Variants in TMEM74 observed in about 807,000 individuals in gnomAD.
The protein encoded by TMEM74 is transmembrane protein 74.
A neutral mutation model predicts 18.1 loss-of-function variants in TMEM74; 13 were observed. The ratio of observed to expected loss-of-function variants is 0.72; its 90% CI spans 0.47 to 1.14. TMEM74 has a LOEUF of 1.14. TMEM74 is among the 50% of genes most tolerant of loss of function. The probability of loss-of-function intolerance (pLI) is 0.00; values close to 1 mark genes in which losing one functional copy is unlikely to be tolerated. For missense variants in TMEM74, 372 were observed against 375.9 expected (o/e 0.99, Z 0.09); for synonymous variants, 159 against 146.6 (o/e 1.08, Z -0.61).
At chr8:108,758,007 C>T (rs1438341647) in intron 1 of TMEM74, among the ~76,000 whole-genome samples, 1 of 151,938 alleles carries the variant, frequency 6.6e-6, no homozygotes, top group Non-Finnish European at 1.5e-5. Flanking sequence ...TTTTCAAAGG[C>T]AGAACACCTT....
chr8:108,725,033 G>A (rs904906886), intron 1 of TMEM74, among the ~76,000 whole-genome samples: 5 of 152,098 alleles, frequency 3.3e-5, no homozygotes, highest in African/African-American at 9.7e-5. Context: ...TCATTCACAA[G>A]CTACAGCCAA....
chr8:108,741,268 C>A (rs1017811883), intron 1 of TMEM74, among the ~76,000 whole-genome samples: 1 of 152,120 alleles, frequency 6.6e-6, no homozygotes, highest in Admixed American at 6.5e-5. Context: ...TGGGCATGAA[C>A]ACGTAGGTGA....
chr8:108,696,621 T>C lies in TMEM74; in HGVS notation n.120-41184A>G, dbSNP rs966557182. ...TCAGTTTCTGAAAGACATACTGTAGTAACATTTGGCAGATGAAAGCACAGT... is the reference window on the plus strand; with the variant it reads ...TCAGTTTCTGAAAGACATACTGTAGCAACATTTGGCAGATGAAAGCACAGT... On this transcript the variant is annotated intron_variant and non_coding_transcript_variant, in intron 1 of 3. Transcript: ENST00000518838. 2.0e-5 allele frequency among the ~76,000 whole-genome samples: 3 copies of C among 152,350 alleles called. No individual in the cohort carries two copies. The East Asian group carries it at 5.8e-4, about 29-fold the overall frequency.
At chr8:108,646,361 A>T (rs1812717876) in intron 2 of TMEM74, among the ~76,000 whole-genome samples, 1 of 152,064 alleles carries the variant, frequency 6.6e-6, no homozygotes, top group Non-Finnish European at 1.5e-5. Flanking sequence ...TTTTGTGCCA[A>T]GTTTGCATTT....
intron 1 of TMEM74, among the ~76,000 whole-genome samples, chr8:108,739,388 G>T (rs889625020): frequency 6.6e-6 from 1 of 152,212 alleles, no homozygotes; most frequent in African/African-American, 2.4e-5. Context: ...GTCGTGTGCT[G>T]TATTTTAGGA....
intron 2 of TMEM74, among the ~76,000 whole-genome samples, chr8:108,609,956 A>G (rs546885034): frequency 6.6e-6 from 1 of 152,354 alleles, no homozygotes; most frequent in East Asian, 1.9e-4. Flanking sequence ...CAGAGCTCAG[A>G]ACAGAAGAAG....
intron 2 of TMEM74, among the ~76,000 whole-genome samples, chr8:108,643,475 G>A (rs1353362576): frequency 6.6e-6 from 1 of 152,066 alleles, no homozygotes; most frequent in Non-Finnish European, 1.5e-5. Flanking sequence ...GATTTTCAAG[G>A]ACAGAGCTGA....
intron 1 of TMEM74, among the ~76,000 whole-genome samples, chr8:108,746,059 G>A (rs1338760102): frequency 2.0e-5 from 3 of 152,032 alleles, no homozygotes; most frequent in African/African-American, 7.2e-5. Flanking sequence ...TCTTGCTGAT[G>A]CCCCCAGCTG....
chr8:108,710,516 A>G (rs1456652957), intron 1 of TMEM74, among the ~76,000 whole-genome samples: 1 of 152,214 alleles, frequency 6.6e-6, no homozygotes, highest in African/African-American at 2.4e-5. Context: ...TGAGGTCTGA[A>G]GGGAGTGGGT....
intron 2 of TMEM74, among the ~76,000 whole-genome samples, chr8:108,622,695 T>TAA (rs1472390354): frequency 6.6e-6 from 1 of 152,142 alleles, no homozygotes; most frequent in African/African-American, 2.4e-5. Context: ...TAGTTTGGTA[T>TAA]AATGTAAATT....
chr8:108,659,406 C>T (rs1812878568), intron 1 of TMEM74, among the ~76,000 whole-genome samples: 1 of 152,142 alleles, frequency 6.6e-6, no homozygotes, highest in South Asian at 2.1e-4. Context: ...TCCTTGGATT[C>T]TCATTCTCTC....
rs534553383 is a variant in TMEM74, at chr8:108,717,685, C to G, written n.120-62248G>C. ...CCATTGGAACAGGGACTAGAAGGGG[C>G]GAGGGAATGGTCATGTGGGGATTTG... is the stretch of plus-strand genomic sequence containing the variant. On this transcript the variant is annotated intron_variant and non_coding_transcript_variant, in intron 1 of 3. Transcript: ENST00000518838. Among the ~76,000 whole-genome samples the G allele has an allele frequency of 5.9e-4, 90 of 151,736 alleles. 1 individual carries two copies. Among genetic ancestry groups the G allele is most frequent in the Non-Finnish European group, 8.5e-4 (58 of 67,938 alleles).
chr8:108,784,872 A>G lies in TMEM74; in HGVS notation c.227T>C (p.Leu76Pro). The change falls in exon 2 of 2, where the codon CTT becomes CCT. Residue 76 changes from leucine to proline, a missense_variant. Leu to Pro is a moderately conservative substitution (Grantham distance 98). Coordinates refer to ENST00000297459, the MANE Select transcript of TMEM74 (RefSeq NM_153015.3). Reference protein sequence around the residue: ...SPSSSLQNSTLQPDAFPPGLL... With the variant: ...SPSSSLQNSTPQPDAFPPGLL... ...TCCTGGTGGAAAGGCATCTGGCTGA[A>G]GAGTACTGTTTTGCAGAGAGGAGGA... 1 of 1,614,136 alleles carries G rather than the reference A, an allele frequency of 6.2e-7. No homozygotes were observed. The highest frequency in any genetic ancestry group is 8.5e-7 in the Non-Finnish European group (1 of 1,180,024).
At chr8:108,640,220 A>G (rs1812650513) in intron 2 of TMEM74, among the ~76,000 whole-genome samples, 3 of 143,186 alleles carry the variant, frequency 2.1e-5, no homozygotes. Context: ...CTAAACTCCA[A>G]CTCCAGGGTT....
chr8:108,624,736 T>C (rs548539228), intron 2 of TMEM74, among the ~76,000 whole-genome samples: 3 of 152,158 alleles, frequency 2.0e-5, no homozygotes, highest in South Asian at 2.1e-4. Flanking sequence ...TACGTTTTCC[T>C]TTTCTGTGGA....
chr8:108,613,717 C>G (rs186147895), intron 2 of TMEM74, among the ~76,000 whole-genome samples: 7 of 152,314 alleles, frequency 4.6e-5, no homozygotes, highest in Admixed American at 2.6e-4. Context: ...AATTCACTTT[C>G]AAAGTCCAAA....
intron 1 of TMEM74, among the ~76,000 whole-genome samples, chr8:108,730,482 C>T (rs564644747): frequency 2.4e-4 from 37 of 152,288 alleles, no homozygotes; most frequent in African/African-American, 8.7e-4. Flanking sequence ...CCTTTGGATA[C>T]TAATATTTCA....
intron 2 of TMEM74, among the ~76,000 whole-genome samples, chr8:108,616,506 A>G (rs918800279): frequency 1.3e-5 from 2 of 152,128 alleles, no homozygotes; most frequent in African/African-American, 4.8e-5. Context: ...GTTGGGAGAG[A>G]TTTTTTTAAA....
rs778976096 is a variant in TMEM74 at position 108,784,965 on chromosome 8, T to C, written c.134A>G (p.Gln45Arg). Residue 45 changes from glutamine (Q) to arginine (R), a missense_variant, in exon 2 of 2, where the codon CAG (glutamine) becomes CGG (arginine). Physicochemically the swap from Gln to Arg is conservative, Grantham distance 43. Coordinates refer to ENST00000297459, the MANE Select transcript of TMEM74 (RefSeq NM_153015.3). ...ATRAALCCQK[Q>R]CASTPRATEM... ...GGTTGCTCTTGGGGTGGATGCACAC[T>C]GTTTCTGACAGCAGAGAGCAGCTCT... 6.2e-7 allele frequency: 1 copy of C among 1,614,166 alleles called. No homozygotes were observed. The highest frequency in any genetic ancestry group is 8.5e-7 in the Non-Finnish European group (1 of 1,180,022).
Sources: gnomAD v4.1 joint callset for allele counts (sites outside exome capture counted in the v4.1 genomes callset) on GRCh38, gnomAD v4.1.1 for gene constraint, MANE v1.5 for transcripts, NCBI Gene and HGNC (gene_info 2026-07-23, HGNC 2026-07-21) for gene names.